Variants in LINGO2 observed in about 807,000 individuals in gnomAD.
LINGO2 encodes the protein leucine rich repeat and Ig domain containing 2, also known as leucine-rich repeat and immunoglobulin-like domain-containing nogo receptor-interacting protein 2.
In LINGO2, 14 loss-of-function variants were observed where a neutral mutation model predicts 30.6. The observed-to-expected ratio is 0.46, with a 90% confidence interval of 0.30 to 0.72. The LOEUF (loss-of-function observed/expected upper bound fraction) is 0.72. Ranked by LOEUF, LINGO2 falls within the 30% of genes least tolerant of loss-of-function variation. The pLI is 0.07. For missense variants in LINGO2, 729 were observed against 751.7 expected (o/e 0.97, Z 0.35); for synonymous variants, 317 against 288.5 (o/e 1.10, Z -1.00).
intron 4 of LINGO2, among the ~76,000 whole-genome samples, chr9:28,227,050 T>A (rs1821194291): frequency 6.6e-6 from 1 of 152,148 alleles, no homozygotes; most frequent in South Asian, 2.1e-4. Context: ...TGGATTATTA[T>A]GAAGATTTAA....
exon 6 of LINGO2, chr9:27,949,830 G>A: frequency 6.2e-7 from 1 of 1,614,124 alleles, no homozygotes; most frequent in Non-Finnish European, 8.5e-7. Flanking sequence ...GGGATTGTAG[G>A]AGAGGTTAAG....
In LINGO2 at chr9:28,506,507, T is replaced by TAG. The variant is rs879496260; in HGVS notation, c.-364-30483_-364-30482insCT. 3.6e-4 allele frequency among the ~76,000 whole-genome samples: 14 copies of TAG among 38,810 alleles called. 3 individuals carry two copies. Among genetic ancestry groups the TAG allele is most frequent in the African/African-American group, 2.7e-4 (3 of 11,216 alleles). The allele number at this position is 38,810 out of a possible 152,430, so 25.5% of individuals were successfully genotyped here. On this transcript the variant is annotated intron_variant, in intron 1 of 5. Coordinates refer to ENST00000379992, the Ensembl canonical transcript of LINGO2. ...ACACATACACACACACACACAGACA[T>TAG]ATATATATATATATAAACTGTTGGG... is the stretch of plus-strand genomic sequence containing the variant.
the LINGO2 span, among the ~76,000 whole-genome samples, chr9:28,770,483 C>T: frequency 1.3e-5 from 2 of 152,164 alleles, no homozygotes; most frequent in African/African-American, 4.8e-5. Context: ...TTTCTGTTTT[C>T]ACTGTCTGGT....
At chr9:28,165,267 T>C (rs948615851) in intron 4 of LINGO2, among the ~76,000 whole-genome samples, 2 of 152,342 alleles carry the variant, frequency 1.3e-5, no homozygotes, top group Admixed American at 6.5e-5. Flanking sequence ...ATCAATAGTG[T>C]GCTTTGGTCT....
the LINGO2 span, among the ~76,000 whole-genome samples, chr9:29,011,466 T>A: frequency 6.6e-6 from 1 of 152,190 alleles, no homozygotes; most frequent in African/African-American, 2.4e-5. Flanking sequence ...GAGAAGAGTT[T>A]TCTTGTGTTC....
At chr9:28,478,738 C>A (rs543254190) in intron 1 of LINGO2, among the ~76,000 whole-genome samples, 3 of 152,062 alleles carry the variant, frequency 2.0e-5, no homozygotes, top group African/African-American at 7.2e-5. Flanking sequence ...ACCATACATA[C>A]TTCTTCTCTT....
chr9:28,700,177 A>C, the LINGO2 span, among the ~76,000 whole-genome samples: 1 of 151,986 alleles, frequency 6.6e-6, no homozygotes, highest in Non-Finnish European at 1.5e-5. Flanking sequence ...CCCAGCTGTA[A>C]AATTCCTCTC....
At chr9:28,395,845 G>C (rs1427155722) in intron 2 of LINGO2, among the ~76,000 whole-genome samples, 1 of 152,076 alleles carries the variant, frequency 6.6e-6, no homozygotes, top group African/African-American at 2.4e-5. Flanking sequence ...TACTTTTTTG[G>C]AACAGGACTT....
chr9:29,211,936 G>A, the LINGO2 span, among the ~76,000 whole-genome samples: 1 of 152,108 alleles, frequency 6.6e-6, no homozygotes, highest in African/African-American at 2.4e-5. Context: ...ACATACAACA[G>A]AGCACCACGG....
the LINGO2 span, among the ~76,000 whole-genome samples, chr9:28,827,156 C>T: frequency 6.6e-6 from 1 of 152,156 alleles, no homozygotes; most frequent in African/African-American, 2.4e-5. Flanking sequence ...AAATTAGCTA[C>T]CTGAATCAAG....
chr9:28,461,399 T>A (rs117983109), intron 2 of LINGO2, among the ~76,000 whole-genome samples: 2 of 152,288 alleles, frequency 1.3e-5, no homozygotes, highest in East Asian at 1.9e-4. Context: ...ATACAGGGTA[T>A]CTTAAATTTG....
intron 1 of LINGO2, among the ~76,000 whole-genome samples, chr9:28,613,247 G>T (rs143239730): frequency 0.012 from 1,757 of 152,050 alleles, 15 homozygotes; most frequent in Middle Eastern, 0.021. Flanking sequence ...TTGTGGGGAA[G>T]CATTCTTGTG....
the LINGO2 span, among the ~76,000 whole-genome samples, chr9:29,010,976 G>T: frequency 3.3e-5 from 5 of 152,134 alleles, no homozygotes; most frequent in African/African-American, 1.2e-4. Flanking sequence ...TTTAGTAATT[G>T]TGTGGCAATT....
the LINGO2 span, among the ~76,000 whole-genome samples, chr9:28,862,268 G>A: frequency 2.6e-5 from 4 of 152,046 alleles, no homozygotes; most frequent in African/African-American, 9.7e-5. Flanking sequence ...ATATGTATCA[G>A]ACAAGGAATG....
chr9:28,283,467 CA>C (rs1249118844), intron 4 of LINGO2, among the ~76,000 whole-genome samples: 1 of 151,980 alleles, frequency 6.6e-6, no homozygotes, highest in Non-Finnish European at 1.5e-5. Context: ...ACACACAGAA[CA>C]AAAAGTAAAT....
intron 4 of LINGO2, among the ~76,000 whole-genome samples, chr9:28,105,320 T>C (rs899808865): frequency 6.6e-6 from 1 of 152,158 alleles, no homozygotes; most frequent in Non-Finnish European, 1.5e-5. Context: ...CATAAGCAAA[T>C]GTTTTCTGGT....
intron 1 of LINGO2, among the ~76,000 whole-genome samples, chr9:28,568,190 C>T (rs1426519632): frequency 6.6e-6 from 1 of 151,934 alleles, no homozygotes; most frequent in Non-Finnish European, 1.5e-5. Context: ...TTCTAGTTTG[C>T]CACTGGAGCA....
chr9:28,036,749 A>G (rs75436307), intron 4 of LINGO2, among the ~76,000 whole-genome samples: 1 of 152,272 alleles, frequency 6.6e-6, no homozygotes, highest in East Asian at 1.9e-4. Context: ...GAAAAATGCA[A>G]ATAGATACAC....
intron 3 of LINGO2, among the ~76,000 whole-genome samples, chr9:28,362,764 C>T (rs890932060): frequency 6.6e-6 from 1 of 152,086 alleles, no homozygotes; most frequent in Non-Finnish European, 1.5e-5. Flanking sequence ...CCACCACGCC[C>T]GACCCAGAAA....
Sources: gnomAD v4.1 joint callset for allele counts (sites outside exome capture counted in the v4.1 genomes callset) on GRCh38, gnomAD v4.1.1 for gene constraint, MANE v1.5 for transcripts, NCBI Gene and HGNC (gene_info 2026-07-23, HGNC 2026-07-21) for gene names.